Variants in COL21A1 observed in about 807,000 individuals in gnomAD.
The protein encoded by COL21A1 is collagen type XXI alpha 1 chain, also known as collagen alpha-1(XXI) chain.
In COL21A1, 149 loss-of-function variants were observed where a neutral mutation model predicts 137.9. The observed-to-expected ratio is 1.08, with a 90% CI of 0.95 to 1.24. The LOEUF (loss-of-function observed/expected upper bound fraction) is 1.24, where lower values mean the gene tolerates loss of function less well. Ranked by LOEUF, COL21A1 falls within the 50% of genes most tolerant of loss-of-function variation. COL21A1 has a pLI of 0.00. For synonymous variants in COL21A1, 456 were observed against 391.5 expected, an observed-to-expected ratio of 1.16 and a Z score of -1.95; for missense variants, 1,167 against 1,158.4, an observed-to-expected ratio of 1.01 and a Z score of -0.11.
At chr6:56,145,755 T>A (rs894293389) in intron 10 of COL21A1, among the ~76,000 whole-genome samples, 3 of 152,118 alleles carry the variant, frequency 2.0e-5, no homozygotes, top group Non-Finnish European at 4.4e-5. Context: ...CCATTTTGCA[T>A]TTATTAGCAG....
chr6:56,137,689 T>C (rs1444712312), intron 12 of COL21A1, among the ~76,000 whole-genome samples: 5 of 152,100 alleles, frequency 3.3e-5, no homozygotes, highest in Admixed American at 6.6e-5. Context: ...TAAAGCATTC[T>C]AAAAAATTCA....
intron 1 of COL21A1, among the ~76,000 whole-genome samples, chr6:56,347,820 C>T (rs61123577): frequency 0.12 from 18,585 of 152,208 alleles, 1,447 homozygotes; most frequent in African/African-American, 0.22. Context: ...CAAAAAATAA[C>T]TTCTCTGCTC....
chr6:56,354,715 CA>C (rs1248279584), intron 1 of COL21A1, among the ~76,000 whole-genome samples: 1 of 152,216 alleles, frequency 6.6e-6, no homozygotes, highest in East Asian at 1.9e-4. Context: ...GATCCCGACT[CA>C]AAAAATGGTG....
chr6:56,277,004 T>A (rs1763679728), intron 1 of COL21A1, among the ~76,000 whole-genome samples: 1 of 151,842 alleles, frequency 6.6e-6, no homozygotes, highest in African/African-American at 2.4e-5. Flanking sequence ...TTATTTTTAG[T>A]AGAGATGGGT....
At chr6:56,323,852 G>A (rs12662498) in intron 1 of COL21A1, among the ~76,000 whole-genome samples, 19,195 of 152,104 alleles carry the variant, frequency 0.13, 2,654 homozygotes, top group East Asian at 0.55. Flanking sequence ...GTAGCCTGAA[G>A]TAAAAATGTT....
chr6:56,213,558 T>C (rs1343124429), intron 1 of COL21A1, among the ~76,000 whole-genome samples: 1 of 152,086 alleles, frequency 6.6e-6, no homozygotes, highest in Non-Finnish European at 1.5e-5. Flanking sequence ...AGCCCTTCAA[T>C]GATTGTTGTA....
At chr6:56,291,943 A>G (rs1481882605) in intron 1 of COL21A1, among the ~76,000 whole-genome samples, 1 of 152,162 alleles carries the variant, frequency 6.6e-6, no homozygotes, top group Non-Finnish European at 1.5e-5. Flanking sequence ...CAAGGTGGGC[A>G]GATCACCTGA....
intron 1 of COL21A1, among the ~76,000 whole-genome samples, chr6:56,393,148 GACAA>G (rs1262784209): frequency 6.0e-5 from 9 of 150,954 alleles, no homozygotes; most frequent in Admixed American, 2.0e-4. Context: ...GGCAAAAACA[GACAA>G]ACAGACCAAT....
chr6:56,202,173 T>A (rs1779452525), intron 1 of COL21A1, among the ~76,000 whole-genome samples: 1 of 152,074 alleles, frequency 6.6e-6, no homozygotes, highest in South Asian at 2.1e-4. Context: ...ATATATTTTT[T>A]AAAAATGTAG....
At chr6:56,135,159 A>T (rs1582451031) in intron 12 of COL21A1, among the ~76,000 whole-genome samples, 1 of 152,158 alleles carries the variant, frequency 6.6e-6, no homozygotes, top group African/African-American at 2.4e-5. Flanking sequence ...GAAAATGAAA[A>T]TTTTCTCTAT....
At chr6:56,119,967 A>G (rs531900591) in intron 16 of COL21A1, among the ~76,000 whole-genome samples, 34 of 152,164 alleles carry the variant, frequency 2.2e-4, no homozygotes, top group Non-Finnish European at 4.9e-4. Context: ...ACAGAAAAAC[A>G]TTGGGGGAAA....
chr6:56,336,126 A>G (rs1288282732), intron 1 of COL21A1, among the ~76,000 whole-genome samples: 4 of 152,208 alleles, frequency 2.6e-5, no homozygotes, highest in African/African-American at 9.6e-5. Context: ...CAGATTTCTC[A>G]AAGTACATCA....
At chr6:56,123,940 C>T (rs1772778887) in intron 16 of COL21A1, 122 bp downstream of exon 16, 5 of 794,718 alleles carry the variant, frequency 6.3e-6, no homozygotes, top group Non-Finnish European at 9.7e-6. Context: ...AACCTTTTAG[C>T]TCATGAATTT....
intron 12 of COL21A1, among the ~76,000 whole-genome samples, chr6:56,128,932 G>A (rs1350420689): frequency 1.3e-5 from 2 of 152,188 alleles, no homozygotes; most frequent in Non-Finnish European, 2.9e-5. Context: ...TAGGATTACA[G>A]GCATGAGCCA....
At chr6:56,214,005 A>T (rs961558820) in intron 1 of COL21A1, among the ~76,000 whole-genome samples, 1 of 152,126 alleles carries the variant, frequency 6.6e-6, no homozygotes, top group Non-Finnish European at 1.5e-5. Context: ...TAAATAGGAA[A>T]GATTTTATGC....
At chr6:56,307,220 T>G (rs1764483683) in intron 1 of COL21A1, among the ~76,000 whole-genome samples, 1 of 152,200 alleles carries the variant, frequency 6.6e-6, no homozygotes. Context: ...TCCAGCTACA[T>G]GCTGGGAGAA....
chr6:56,177,858 C>T (rs1257076218), intron 3 of COL21A1, among the ~76,000 whole-genome samples: 1 of 145,888 alleles, frequency 6.9e-6, no homozygotes, highest in Non-Finnish European at 1.5e-5. Flanking sequence ...AGTGCATTTT[C>T]AAAAACATTT....
intron 21 of COL21A1, among the ~76,000 whole-genome samples, chr6:56,069,795 A>G (rs1348293336): frequency 6.6e-6 from 1 of 151,078 alleles, no homozygotes; most frequent in Non-Finnish European, 1.5e-5. Context: ...TAAAATTCTT[A>G]TTGTTAAACA....
At chr6:56,296,820 C>G (rs1054030334) in intron 1 of COL21A1, among the ~76,000 whole-genome samples, 4 of 151,952 alleles carry the variant, frequency 2.6e-5, no homozygotes. Flanking sequence ...AAATCATGTA[C>G]TCTAGGCACT....
Sources: allele counts gnomAD v4.1 joint callset (sites outside exome capture counted in the v4.1 genomes callset), GRCh38; gene constraint gnomAD v4.1.1; transcripts MANE v1.5; gene names NCBI Gene and HGNC (gene_info 2026-07-23, HGNC 2026-07-21).